KIF6: variants seen among roughly 807,000 people sequenced by gnomAD.
The protein encoded by KIF6 is kinesin-like protein KIF6.
A neutral mutation model predicts 112.7 loss-of-function variants in KIF6; 106 were observed. That is an observed-to-expected ratio of 0.94 (90% CI 0.80 to 1.11). The LOEUF (loss-of-function observed/expected upper bound fraction) is 1.11, where lower values mean the gene tolerates loss of function less well. Ranked by LOEUF, KIF6 falls within the 50% of genes least tolerant of loss-of-function variation. The pLI, the probability that KIF6 is intolerant of heterozygous loss-of-function variation, is 0.00. For missense variants in KIF6, 929 were observed against 964.0 expected (o/e 0.96, Z 0.48); for synonymous variants, 339 against 339.9 (o/e 1.00, Z 0.03).
At chr6:39,385,756 G>GAAAAA in intron 15 of KIF6, 84 bp from the exon 16 acceptor site, 26 of 501,206 alleles carry the variant, frequency 5.2e-5, no homozygotes, top group East Asian at 1.0e-4. Flanking sequence ...GCAAGCTACA[G>GAAAAA]AAAAAAAAAA....
At chr6:39,685,626 C>T (rs897910118) in intron 3 of KIF6, among the ~76,000 whole-genome samples, 8 of 152,322 alleles carry the variant, frequency 5.3e-5, no homozygotes, top group Admixed American at 5.2e-4. Flanking sequence ...TAATATTTTA[C>T]TCCAGCAATA....
chr6:39,704,747 T>G (rs1416963251), intron 3 of KIF6, among the ~76,000 whole-genome samples: 1 of 152,248 alleles, frequency 6.6e-6, no homozygotes, highest in Non-Finnish European at 1.5e-5. Context: ...TCTTAGTCAA[T>G]GTGTTATATG....
At position 39,456,888 on chromosome 6, in the gene KIF6, A is replaced by G. The variant is rs528323986; in HGVS notation, c.1646-25727T>C. On this transcript the variant is annotated intron_variant, in intron 13 of 22. Coordinates refer to ENST00000287152, the MANE Select transcript of KIF6 (RefSeq NM_145027.6). ...TCATAAAGCAAGTCCTGAGTGACCT[A>G]CAAAGAGACTTAGAGTCCCACACAT... Among the ~76,000 whole-genome samples, 39 of 151,520 alleles carry G rather than the reference A, an allele frequency of 2.6e-4. 1 individual carries two copies. In the East Asian group the frequency reaches 6.8e-3, roughly 26 times the overall value.
chr6:39,575,078 T>G (rs565979420), intron 10 of KIF6, among the ~76,000 whole-genome samples: 45 of 152,268 alleles, frequency 3.0e-4, no homozygotes, highest in African/African-American at 1.1e-3. Context: ...TTGGGTAATG[T>G]TTAGTTCTAA....
intron 12 of KIF6, among the ~76,000 whole-genome samples, chr6:39,543,117 A>G (rs990343161): frequency 6.6e-6 from 1 of 152,204 alleles, no homozygotes. Flanking sequence ...TCTCTCTGTC[A>G]TATCTCATTT....
Position 39,522,875 on chromosome 6 carries a change from C to T in KIF6, c.1645+17128G>A, listed in dbSNP as rs953045378. Among the ~76,000 whole-genome samples, 10 of 152,260 alleles carry T rather than the reference C, an allele frequency of 6.6e-5. No homozygotes were observed. The East Asian group carries it at 1.7e-3, about 26-fold the overall frequency. ...TGGTCCTCTTTTCCTCTTTTCCTGG[C>T]TACCCTTCTCCTTATGAAATGAAAC... On this transcript the variant is annotated intron_variant, in intron 13 of 22. Coordinates refer to ENST00000287152, the MANE Select transcript of KIF6 (RefSeq NM_145027.6).
chr6:39,549,278 A>C (rs988596438), intron 10 of KIF6, among the ~76,000 whole-genome samples: 4 of 152,118 alleles, frequency 2.6e-5, no homozygotes, highest in African/African-American at 9.7e-5. Flanking sequence ...ATTTAGGTTT[A>C]ATAGCATGAA....
intron 16 of KIF6, among the ~76,000 whole-genome samples, chr6:39,381,928 T>C (rs1333425801): frequency 6.6e-6 from 1 of 152,144 alleles, no homozygotes; most frequent in African/African-American, 2.4e-5. Flanking sequence ...CCCAGAGAGA[T>C]GAGCAGAGGA....
chr6:39,404,399 C>CAA lies in KIF6; in HGVS notation c.1810+15547_1810+15548dup, dbSNP rs576239294. 5.1e-3 allele frequency among the ~76,000 whole-genome samples: 711 copies of CAA among 140,480 alleles called. 1 individual carries two copies. The highest frequency in any genetic ancestry group is 0.018 in the African/African-American group (684 of 37,860). 92.2% of individuals were successfully genotyped at this position (140,480 alleles called of 152,430 possible). ...TTTTTTCCTTCAGTACATGGATATC[C>CAA]AATTGTTTTAATATTGCTTGTTGAA... is the stretch of plus-strand genomic sequence containing the variant. On this transcript the variant is annotated intron_variant, in intron 15 of 22. Coordinates refer to ENST00000287152, the MANE Select transcript of KIF6 (RefSeq NM_145027.6).
Position 39,345,681 on chromosome 6 carries a change from A to G in KIF6, c.2321+19T>C. 6.2e-7 allele frequency: 1 copy of G among 1,605,746 alleles called. No homozygotes were observed. Among genetic ancestry groups the G allele is most frequent in the Non-Finnish European group, 8.5e-7 (1 of 1,175,054 alleles). On this transcript the variant is annotated intron_variant, in intron 21 of 22. Coordinates refer to ENST00000287152, the MANE Select transcript of KIF6 (RefSeq NM_145027.6). ...CACTGCAGGGGCTGTCACAGGCATA[A>G]CAGGAGAAGACCACAGACCTGTCTT...
At chr6:39,445,732 A>G (rs1487292018) in intron 13 of KIF6, among the ~76,000 whole-genome samples, 2 of 152,240 alleles carry the variant, frequency 1.3e-5, no homozygotes, top group South Asian at 2.1e-4. Flanking sequence ...TTTTAGAAGC[A>G]CTGAGAAGCA....
intron 13 of KIF6, among the ~76,000 whole-genome samples, chr6:39,457,195 T>C (rs915933656): frequency 3.9e-5 from 6 of 151,948 alleles, no homozygotes; most frequent in South Asian, 2.1e-4. Flanking sequence ...GCAATCAAAC[T>C]AGAACTCAGA....
intron 13 of KIF6, among the ~76,000 whole-genome samples, chr6:39,434,216 A>G (rs1474079651): frequency 6.6e-6 from 1 of 152,122 alleles, no homozygotes; most frequent in Non-Finnish European, 1.5e-5. Flanking sequence ...AAAGTTGAAC[A>G]TTAAAGCTTT....
At chr6:39,396,418 C>T (rs954782438) in intron 15 of KIF6, among the ~76,000 whole-genome samples, 11 of 152,134 alleles carry the variant, frequency 7.2e-5, no homozygotes, top group African/African-American at 1.2e-4. Flanking sequence ...GGGGGCCGAG[C>T]CCAGCAGGTG....
At chr6:39,418,535 C>G (rs1770097571) in intron 15 of KIF6, among the ~76,000 whole-genome samples, 1 of 152,106 alleles carries the variant, frequency 6.6e-6, no homozygotes, top group African/African-American at 2.4e-5. Flanking sequence ...CAACGTCTGC[C>G]CCTCTGTGAT....
chr6:39,433,204 C>A (rs968803305), intron 13 of KIF6, among the ~76,000 whole-genome samples: 3 of 152,298 alleles, frequency 2.0e-5, no homozygotes, highest in South Asian at 4.1e-4. Context: ...TTCCCAACAA[C>A]GAACAACACA....
rs1781874042 is a variant in KIF6 at position 39,590,429 on chromosome 6, G to GA, written c.847-4026_847-4025insT. Among the ~76,000 whole-genome samples, 12 of 95,360 alleles carry GA rather than the reference G, an allele frequency of 1.3e-4. No individual in the cohort carries two copies. In the South Asian group the frequency reaches 3.8e-3, roughly 30 times the overall value. 62.6% of individuals were successfully genotyped at this position (95,360 alleles called of 152,430 possible). On this transcript the variant is annotated intron_variant, in intron 7 of 22. Transcript: ENST00000287152. ...TATATATGTGTGTGTATGTGTGTGT[G>GA]TATATATATATATATATATATATTT...
At chr6:39,379,077 C>CG (rs1766699026) in intron 16 of KIF6, among the ~76,000 whole-genome samples, 1 of 152,160 alleles carries the variant, frequency 6.6e-6, no homozygotes, top group South Asian at 2.1e-4. Context: ...TACAAGGATC[C>CG]GCACGATAAA....
intron 16 of KIF6, among the ~76,000 whole-genome samples, chr6:39,384,016 A>G (rs140582613): frequency 2.0e-5 from 3 of 152,332 alleles, no homozygotes; most frequent in African/African-American, 7.2e-5. Flanking sequence ...GACTTTGCTG[A>G]AGCAGTTTAT....
Sources: gnomAD v4.1 joint callset for allele counts (sites outside exome capture counted in the v4.1 genomes callset) on GRCh38, gnomAD v4.1.1 for gene constraint, MANE v1.5 for transcripts, NCBI Gene and HGNC (gene_info 2026-07-23, HGNC 2026-07-21) for gene names.